Variants in GFOD1 observed in about 807,000 individuals in gnomAD.
The protein encoded by GFOD1 is Gfo/Idh/MocA-like oxidoreductase domain containing 1.
Under a neutral mutation model 25.4 loss-of-function variants are expected in GFOD1, and 9 were observed. That is an observed-to-expected ratio of 0.35 (90% CI 0.21 to 0.62). GFOD1 has a LOEUF of 0.62. GFOD1 is among the 20% of genes least tolerant of loss of function. GFOD1 has a pLI of 0.72. For synonymous variants in GFOD1, 253 were observed against 245.6 expected (o/e 1.03, Z -0.28); for missense variants, 403 against 556.9 (o/e 0.72, Z 2.78).
intron 1 of GFOD1, among the ~76,000 whole-genome samples, chr6:13,444,230 C>A (rs1757965288): frequency 6.6e-6 from 1 of 152,134 alleles, no homozygotes; most frequent in African/African-American, 2.4e-5. Flanking sequence ...GAGCTGGAGG[C>A]TATTATCCTT....
chr6:13,369,997 G>A (rs1274117629), intron 1 of GFOD1, among the ~76,000 whole-genome samples: 1 of 151,774 alleles, frequency 6.6e-6, no homozygotes, highest in Admixed American at 6.6e-5. Context: ...TAATTTTATG[G>A]TCAGAAAAAA....
intron 1 of GFOD1, among the ~76,000 whole-genome samples, chr6:13,377,602 G>T (rs1389897068): frequency 6.6e-6 from 1 of 152,150 alleles, no homozygotes; most frequent in Non-Finnish European, 1.5e-5. Context: ...GAGAGAATTT[G>T]CCACCTTTCC....
intron 1 of GFOD1, among the ~76,000 whole-genome samples, chr6:13,381,263 G>A (rs1785356938): frequency 6.6e-6 from 1 of 152,246 alleles, no homozygotes; most frequent in Non-Finnish European, 1.5e-5. Flanking sequence ...ACCTGAATCT[G>A]TGTTGGCCCC....
chr6:13,409,460 G>A (rs1467348310), intron 1 of GFOD1, among the ~76,000 whole-genome samples: 1 of 152,106 alleles, frequency 6.6e-6, no homozygotes, highest in Non-Finnish European at 1.5e-5. Context: ...CCCACCATCC[G>A]TCAAGTAACC....
chr6:13,375,516 A>G (rs1785239670), intron 1 of GFOD1, among the ~76,000 whole-genome samples: 1 of 152,226 alleles, frequency 6.6e-6, no homozygotes, highest in Non-Finnish European at 1.5e-5. Flanking sequence ...TGAAACGGAA[A>G]TGGGTCAGAG....
At chr6:13,477,327 GCAGGCAGGCAGA>G (rs1254779350) in intron 1 of GFOD1, among the ~76,000 whole-genome samples, 3 of 151,704 alleles carry the variant, frequency 2.0e-5, no homozygotes, top group African/African-American at 4.8e-5. Flanking sequence ...TGCAGGGCAG[GCAGGCAGGCAGA>G]CAGGCAGGCT....
intron 1 of GFOD1, among the ~76,000 whole-genome samples, chr6:13,425,097 C>T (rs6910375): frequency 0.93 from 141,695 of 151,822 alleles, 66,871 homozygotes; most frequent in East Asian, 1. Flanking sequence ...CAGTTGAGAC[C>T]ACAGGCACAT....
At chr6:13,401,306 G>A (rs542591463) in intron 1 of GFOD1, among the ~76,000 whole-genome samples, 6 of 152,274 alleles carry the variant, frequency 3.9e-5, no homozygotes, top group South Asian at 2.1e-4. Context: ...ACCATGAGAC[G>A]ACATTTTATA....
intron 1 of GFOD1, among the ~76,000 whole-genome samples, chr6:13,425,245 C>A (rs1381033996): frequency 6.6e-6 from 1 of 152,162 alleles, no homozygotes; most frequent in Non-Finnish European, 1.5e-5. Flanking sequence ...CAAGTATGAG[C>A]CACTGAGCCT....
At chr6:13,409,159 A>G (rs1786012260) in intron 1 of GFOD1, among the ~76,000 whole-genome samples, 4 of 57,002 alleles carry the variant, frequency 7.0e-5, no homozygotes, top group African/African-American at 2.3e-4. Context: ...GAGAGGAAAG[A>G]AAGAAAGGAA....
chr6:13,467,149 C>A (rs1758392749), intron 1 of GFOD1, among the ~76,000 whole-genome samples: 1 of 151,374 alleles, frequency 6.6e-6, no homozygotes, highest in African/African-American at 2.4e-5. Context: ...CCAAGTGAAC[C>A]AACCATATGA....
At chr6:13,449,383 T>C (rs1318611888) in intron 1 of GFOD1, among the ~76,000 whole-genome samples, 2 of 152,200 alleles carry the variant, frequency 1.3e-5, no homozygotes, top group East Asian at 3.9e-4. Context: ...CTCTCCTTAG[T>C]TACAGACCCA....
intron 1 of GFOD1, among the ~76,000 whole-genome samples, chr6:13,392,887 C>T (rs1265026415): frequency 6.7e-6 from 1 of 150,086 alleles, no homozygotes; most frequent in Admixed American, 6.6e-5. Flanking sequence ...AAGATGCTGT[C>T]CCTACAAAAA....
chr6:13,455,906 T>C (rs996985136), intron 1 of GFOD1, among the ~76,000 whole-genome samples: 6 of 152,190 alleles, frequency 3.9e-5, no homozygotes, highest in Non-Finnish European at 5.9e-5. Context: ...CATTGTCCAA[T>C]AGACAGGATG....
chr6:13,388,027 A>G (rs1172024937), intron 1 of GFOD1, among the ~76,000 whole-genome samples: 1 of 152,238 alleles, frequency 6.6e-6, no homozygotes, highest in Non-Finnish European at 1.5e-5. Context: ...CTATGAAGAG[A>G]ATAAAATACC....
chr6:13,364,705 C>T lies in GFOD1; in HGVS notation c.*38G>A. 1 of 1,551,944 alleles carries T rather than the reference C, an allele frequency of 6.4e-7. No individual in the cohort carries two copies. The highest frequency in any genetic ancestry group is 8.8e-7 in the Non-Finnish European group (1 of 1,138,732). On this transcript the variant is annotated 3_prime_UTR_variant, in exon 2 of 2. Transcript: ENST00000379287. This position sits in a 1 kb window ranked among gnomAD's most constrained non-coding sequence, Gnocchi z 4.1. ...GCCCTTCCCTCTCTGTGGACATCCCCTGCAGAAGGCTCAAGTCCCCGAGGT... is the reference window on the plus strand; with the variant it reads ...GCCCTTCCCTCTCTGTGGACATCCCTTGCAGAAGGCTCAAGTCCCCGAGGT...
chr6:13,384,973 C>T (rs922586345), intron 1 of GFOD1, among the ~76,000 whole-genome samples: 1 of 152,154 alleles, frequency 6.6e-6, no homozygotes, highest in Non-Finnish European at 1.5e-5. Flanking sequence ...TCTCAAAAGG[C>T]AGACTCACAG....
intron 1 of GFOD1, among the ~76,000 whole-genome samples, chr6:13,393,003 A>T (rs1013100162): frequency 1.3e-5 from 2 of 152,084 alleles, no homozygotes; most frequent in African/African-American, 4.8e-5. Context: ...TCAAGGTTGC[A>T]GTGAGCTATG....
chr6:13,403,090 TTG>T (rs577808611), intron 1 of GFOD1, among the ~76,000 whole-genome samples: 18 of 150,848 alleles, frequency 1.2e-4, no homozygotes, highest in South Asian at 1.0e-3. Flanking sequence ...TTTTGTTTTG[TTG>T]TGTGTGTGTG....
Sources: gnomAD v4.1 joint callset for allele counts (sites outside exome capture counted in the v4.1 genomes callset) on GRCh38, gnomAD v4.1.1 for gene constraint, Gnocchi (gnomAD v3.1) non-coding constraint, MANE v1.5 for transcripts, NCBI Gene and HGNC (gene_info 2026-07-23, HGNC 2026-07-21) for gene names.